The following GPRC6A variants were observed in gnomAD, a reference collection of about 807,000 sequenced individuals.
The protein encoded by GPRC6A is G protein-coupled receptor class C group 6 member A, also known as G protein-coupled receptor family C group 6 member A.
In GPRC6A, 54 loss-of-function variants were observed where a neutral mutation model predicts 47.0. The observed-to-expected ratio is 1.15, with a 90% confidence interval of 0.92 to 1.44. The LOEUF (loss-of-function observed/expected upper bound fraction) is 1.44, where lower values mean the gene tolerates loss of function less well. Ranked by LOEUF, GPRC6A falls within the 40% of genes most tolerant of loss-of-function variation. The pLI is 0.00. For missense variants in GPRC6A, 1,112 were observed against 1,105.5 expected (o/e 1.01, Z -0.08); for synonymous variants, 347 against 377.1 (o/e 0.92, Z 0.93).
At chr6:116,803,001 C>T (rs1341945978) in intron 3 of GPRC6A, among the ~76,000 whole-genome samples, 1 of 152,006 alleles carries the variant, frequency 6.6e-6, no homozygotes. Context: ...TACCTTGCTA[C>T]ACTTACAATA....
chr6:116,815,441 C>T (rs1268394853), intron 1 of GPRC6A, among the ~76,000 whole-genome samples: 1 of 152,186 alleles, frequency 6.6e-6, no homozygotes, highest in Non-Finnish European at 1.5e-5. Context: ...CAAGATTGCA[C>T]CACTGCACTC....
chr6:116,821,415 C>T lies in GPRC6A; in HGVS notation c.194+7405G>A, dbSNP rs575870450. ...CCGCATCGCCAAGTCAATCCTAAGC[C>T]AAAAGAACAAAGCTGGAGGCATCAC... On this transcript the variant is annotated intron_variant, in intron 1 of 5. Coordinates refer to ENST00000310357, the MANE Select transcript of GPRC6A (RefSeq NM_148963.4). 3.0e-3 allele frequency among the ~76,000 whole-genome samples: 459 copies of T among 152,106 alleles called. 1 individual carries two copies. Among genetic ancestry groups the T allele is most frequent in the African/African-American group, 0.011 (436 of 41,456 alleles).
At chr6:116,812,018 G>A (rs1773041156) in intron 1 of GPRC6A, among the ~76,000 whole-genome samples, 1 of 152,002 alleles carries the variant, frequency 6.6e-6, no homozygotes, top group Non-Finnish European at 1.5e-5. Context: ...CCAGATACAG[G>A]AGGCCCAGCA....
In GPRC6A at chr6:116,792,585, C is replaced by T. The variant is rs1772341936; in HGVS notation, c.2338G>A (p.Glu780Lys). ...ATGCCAAATGTAATGAATTTGGCTTCATTGTAATTCTCATATTTGCCTTTG... is the reference window on the plus strand; with the variant it reads ...ATGCCAAATGTAATGAATTTGGCTTTATTGTAATTCTCATATTTGCCTTTG... ...AFKGKYENYN[E>K]AKFITFGMLI... Residue 780 changes from glutamate (E) to lysine (K), a missense_variant, in exon 6 of 6, where the codon GAA (glutamate) becomes AAA (lysine). By Grantham distance (56) the Glu-to-Lys change is moderately conservative (BLOSUM62 1). Coordinates refer to ENST00000310357, the MANE Select transcript of GPRC6A (RefSeq NM_148963.4). 6.4e-7 allele frequency: 1 copy of T among 1,563,694 alleles called. No homozygotes were observed. Among genetic ancestry groups the T allele is most frequent in the East Asian group, 2.2e-5 (1 of 44,790 alleles).
intron 2 of GPRC6A, among the ~76,000 whole-genome samples, chr6:116,807,504 T>C (rs1772893343): frequency 6.6e-6 from 1 of 152,182 alleles, no homozygotes; most frequent in Non-Finnish European, 1.5e-5. Context: ...CAAGGGTGGA[T>C]ATTATTTAAA....
intron 1 of GPRC6A, among the ~76,000 whole-genome samples, chr6:116,823,797 CTTATAA>C (rs923576645): frequency 6.6e-6 from 1 of 152,038 alleles, no homozygotes; most frequent in African/African-American, 2.4e-5. Flanking sequence ...CCTCAGGAAA[CTTATAA>C]TTATGGCAGA....
At position 116,826,383 on chromosome 6, in the gene GPRC6A, A is replaced by G. The variant is rs534477877; in HGVS notation, c.194+2437T>C. 7.9e-5 allele frequency among the ~76,000 whole-genome samples: 12 copies of G among 152,064 alleles called. No individual in the cohort carries two copies. The South Asian group carries it at 2.3e-3, about 29-fold the overall frequency. On this transcript the variant is annotated intron_variant, in intron 1 of 5. Coordinates refer to ENST00000310357, the MANE Select transcript of GPRC6A (RefSeq NM_148963.4). ...ATTAACAAGTGGTCAAAGAACATGA[A>G]CAGATGATTCTCAAAAGAAGATATA...
intron 3 of GPRC6A, among the ~76,000 whole-genome samples, chr6:116,801,508 T>C (rs1772674757): frequency 6.6e-6 from 1 of 152,160 alleles, no homozygotes; most frequent in East Asian, 1.9e-4. Flanking sequence ...CTCTGAATGC[T>C]TTCATAATGG....
intron 1 of GPRC6A, among the ~76,000 whole-genome samples, chr6:116,823,390 T>C (rs1343705483): frequency 6.6e-6 from 1 of 152,120 alleles, no homozygotes; most frequent in Non-Finnish European, 1.5e-5. Context: ...AGATAACCTT[T>C]ACTCCAGTTC....
chr6:116,793,174 T>C lies in GPRC6A; in HGVS notation c.1749A>G (p.Glu583=), dbSNP rs1772372709. The part of the protein sequence containing the change: ...PVRSTMCFEK[E]VEYLNWNDSL... ...AGTCATTCCAGTTGAGATATTCCAC[T>C]TCCTTTTCAAAGCACATAGTGCTCC... is the stretch of plus-strand genomic sequence containing the variant. Residue 583 remains glutamate (E), a synonymous_variant, in exon 6 of 6, where the codon GAA becomes GAG. Coordinates refer to ENST00000310357, the MANE Select transcript of GPRC6A (RefSeq NM_148963.4). 6.2e-7 allele frequency: 1 copy of C among 1,613,070 alleles called. No individual in the cohort carries two copies. Among genetic ancestry groups the C allele is most frequent in the Non-Finnish European group, 8.5e-7 (1 of 1,179,352 alleles).
In GPRC6A at chr6:116,806,221, G is replaced by A. The variant is rs530241311; in HGVS notation, c.1335+149C>T. 1.3e-4 allele frequency: 76 copies of A among 599,462 alleles called. No individual in the cohort carries two copies. In the East Asian group the frequency reaches 1.7e-3, roughly 14 times the overall value. 37.1% of individuals were successfully genotyped at this position (599,462 alleles called of 1,614,324 possible). A position where few individuals can be genotyped will look rare whatever the true frequency, so the allele number is the denominator to read the frequency against. On this transcript the variant is annotated intron_variant, in intron 3 of 5. Transcript: ENST00000310357. Reference sequence around the variant, plus strand: ...TCTTGAAGAGTAAGGCACTATGATAGAAATGCTGGTTATTTAAACACTGAA... The same window carrying A: ...TCTTGAAGAGTAAGGCACTATGATAAAAATGCTGGTTATTTAAACACTGAA...
chr6:116,821,177 G>C (rs1198536011), intron 1 of GPRC6A, among the ~76,000 whole-genome samples: 2 of 151,792 alleles, frequency 1.3e-5, no homozygotes, highest in African/African-American at 4.9e-5. Flanking sequence ...TCTTCAAGGA[G>C]AACTACAAAC....
rs1314001974 is a variant in GPRC6A, at chr6:116,792,323, C to T, written c.2600G>A (p.Ser867Asn). The change falls in exon 6 of 6, where the codon AGT (serine) becomes AAT (asparagine). Residue 867 changes from serine to asparagine, a missense_variant. Coordinates refer to ENST00000310357, the MANE Select transcript of GPRC6A (RefSeq NM_148963.4). ...GCTCATGGAGTCCAGTGAAGCAGGA[C>T]TCAGGGCAATGCTGCTCACACTATG... ...SSHSVSSIAL[S>N]PASLDSMSGN... 1.9e-6 allele frequency: 3 copies of T among 1,614,008 alleles called. No individual in the cohort carries two copies. The East Asian group carries it at 6.7e-5, about 36-fold the overall frequency.
intron 1 of GPRC6A, among the ~76,000 whole-genome samples, chr6:116,816,253 A>C (rs978500965): frequency 4.6e-5 from 7 of 152,364 alleles, no homozygotes; most frequent in African/African-American, 1.7e-4. Flanking sequence ...GCAAAATAAA[A>C]AATAAGTTAA....
chr6:116,792,517 A>G lies in GPRC6A; in HGVS notation c.2406T>C (p.Tyr802=), dbSNP rs1772337379. 1.2e-6 allele frequency: 2 copies of G among 1,613,776 alleles called. No individual in the cohort carries two copies. The highest frequency in any genetic ancestry group is 1.7e-5 in the Admixed American group (1 of 59,962). ...FIAWITFIPI[Y]ATTFGKYVPA... ...GTACATATTTGCCAAATGTGGTAGC[A>G]TAGATAGGGATGAATGTGATCCAAG... Residue 802 remains tyrosine, a synonymous_variant, in exon 6 of 6, where the codon TAT becomes TAC. Transcript: ENST00000310357.
upstream of GPRC6A, chr6:116,829,097 G>A: frequency 6.7e-7 from 1 of 1,503,440 alleles, no homozygotes; most frequent in Non-Finnish European, 8.9e-7. Flanking sequence ...TATTTCACCT[G>A]TAAACACCTT....
At position 116,793,008 on chromosome 6, in the gene GPRC6A, A is replaced by G; in HGVS notation, c.1915T>C (p.Cys639Arg). The G allele has an allele frequency of 1.9e-6, 3 of 1,614,116 alleles. No homozygotes were observed. Among genetic ancestry groups the G allele is most frequent in the East Asian group, 2.2e-5 (1 of 44,884 alleles). The change falls in exon 6 of 6, where the codon TGT (cysteine) becomes CGT (arginine). Residue 639 changes from cysteine to arginine, a missense_variant. Coordinates refer to ENST00000310357, the MANE Select transcript of GPRC6A (RefSeq NM_148963.4). ...GLRVCYVILL[C>R]HFLNFASTSF... The stretch of plus-strand genomic sequence containing the variant: ...GTGCTGGCAAAATTGAGGAAATGAC[A>G]GAGAAGGATCACATAGCAGACTCTT...
At chr6:116,822,435 A>G (rs2114622331) in intron 1 of GPRC6A, among the ~76,000 whole-genome samples, 1 of 132,292 alleles carries the variant, frequency 7.6e-6, no homozygotes, top group African/African-American at 3.0e-5. Flanking sequence ...GGCATTATTC[A>G]CAATAGCAAA....
chr6:116,825,268 T>A (rs925535493), intron 1 of GPRC6A, among the ~76,000 whole-genome samples: 2 of 152,052 alleles, frequency 1.3e-5, no homozygotes, highest in Non-Finnish European at 2.9e-5. Context: ...ACAAATGGCA[T>A]ACACATTGAA....
Sources: gnomAD v4.1 joint callset for allele counts (sites outside exome capture counted in the v4.1 genomes callset) on GRCh38, gnomAD v4.1.1 for gene constraint, MANE v1.5 for transcripts, NCBI Gene and HGNC (gene_info 2026-07-23, HGNC 2026-07-21) for gene names.